The following FSD1L variants were observed in gnomAD, a reference collection of about 807,000 sequenced individuals.
FSD1L encodes the protein FSD1-like protein.
A neutral mutation model predicts 71.6 loss-of-function variants in FSD1L; 45 were observed. The observed-to-expected ratio is 0.63, with a 90% CI of 0.49 to 0.81. FSD1L has a LOEUF of 0.81. Ranked by LOEUF, FSD1L falls within the 30% of genes least tolerant of loss-of-function variation. The pLI, the probability that FSD1L is intolerant of heterozygous loss-of-function variation, is 0.00. For missense variants in FSD1L, 561 were observed against 618.1 expected, an observed-to-expected ratio of 0.91 and a Z score of 0.98; for synonymous variants, 197 against 207.2, an observed-to-expected ratio of 0.95 and a Z score of 0.42.
intron 10 of FSD1L, chr9:105,526,461 C>T (rs1835518194): frequency 1.2e-6 from 2 of 1,612,700 alleles, no homozygotes; most frequent in Non-Finnish European, 1.7e-6. Context: ...TCTCCAATGT[C>T]TCCTCGAACT....
chr9:105,510,566 CT>C (rs1834334961), intron 9 of FSD1L, among the ~76,000 whole-genome samples: 2 of 152,074 alleles, frequency 1.3e-5, no homozygotes, highest in Admixed American at 1.3e-4. Context: ...GTAGTTGAGC[CT>C]ACCAAAATTT....
intron 6 of FSD1L, 118 bp from the exon 7 acceptor site, chr9:105,484,262 CT>C: frequency 2.9e-6 from 2 of 678,822 alleles, no homozygotes; most frequent in Non-Finnish European, 4.3e-6. Context: ...TCACTTTTAA[CT>C]TTTATTATAG....
chr9:105,524,480 A>G (rs1272971529), intron 10 of FSD1L: 95 of 1,613,478 alleles, frequency 5.9e-5, no homozygotes, highest in Middle Eastern at 1.6e-4. Flanking sequence ...CACTGCTCCA[A>G]CCATTTCATG....
intron 1 of FSD1L, among the ~76,000 whole-genome samples, chr9:105,453,879 C>T (rs1324742951): frequency 6.6e-6 from 1 of 152,112 alleles, no homozygotes; most frequent in African/African-American, 2.4e-5. Flanking sequence ...GATTTTATCT[C>T]CAGACTTTTA....
At chr9:105,522,574 A>G in intron 10 of FSD1L, 1 of 1,613,362 alleles carries the variant, frequency 6.2e-7, no homozygotes. Flanking sequence ...CATTTTTCAC[A>G]AAGTGAAGAA....
chr9:105,530,445 G>T, intron 10 of FSD1L: 1 of 531,424 alleles, frequency 1.9e-6, no homozygotes, highest in Non-Finnish European at 3.3e-6. Flanking sequence ...AACTGCCAAT[G>T]TCAATAGTTA....
At chr9:105,476,090 C>T (rs1031172302) in intron 5 of FSD1L, among the ~76,000 whole-genome samples, 4 of 152,032 alleles carry the variant, frequency 2.6e-5, no homozygotes, top group South Asian at 4.2e-4. Context: ...CTATATTCAC[C>T]CATTACAGAT....
intron 10 of FSD1L, chr9:105,521,308 A>T: frequency 1.9e-6 from 3 of 1,614,214 alleles, no homozygotes; most frequent in Non-Finnish European, 2.5e-6. Flanking sequence ...AGCAAAAATG[A>T]TAATGCTGAT....
chr9:105,477,464 G>T (rs1831879806), intron 5 of FSD1L, among the ~76,000 whole-genome samples: 1 of 152,110 alleles, frequency 6.6e-6, no homozygotes, highest in African/African-American at 2.4e-5. Context: ...TGGTACAGAG[G>T]GAAAGAACAG....
chr9:105,509,182 A>G (rs1270669047), intron 9 of FSD1L, among the ~76,000 whole-genome samples: 1 of 152,250 alleles, frequency 6.6e-6, no homozygotes. Flanking sequence ...AATTAAAGTC[A>G]TCTTGAGAGA....
intron 7 of FSD1L, among the ~76,000 whole-genome samples, chr9:105,485,215 G>A (rs1832455586): frequency 6.6e-6 from 1 of 152,290 alleles, no homozygotes; most frequent in African/African-American, 2.4e-5. Flanking sequence ...AGGTTCTCTA[G>A]GCTGAGAAGT....
At chr9:105,515,624 G>C (rs530957795) in intron 10 of FSD1L, among the ~76,000 whole-genome samples, 10 of 152,226 alleles carry the variant, frequency 6.6e-5, no homozygotes, top group African/African-American at 2.2e-4. Context: ...ATGAGGGACA[G>C]AGCCTGAGGA....
intron 7 of FSD1L, among the ~76,000 whole-genome samples, chr9:105,497,979 G>A (rs2131323868): frequency 6.6e-6 from 1 of 152,068 alleles, no homozygotes; most frequent in Non-Finnish European, 1.5e-5. Context: ...CAGTAGTTAG[G>A]ACTACAGGCA....
chr9:105,519,595 C>T (rs1287122026), intron 10 of FSD1L, among the ~76,000 whole-genome samples: 1 of 152,228 alleles, frequency 6.6e-6, no homozygotes. Flanking sequence ...TGACAAAATT[C>T]AACTCCCCTT....
At chr9:105,471,518 T>A (rs755165679) in intron 4 of FSD1L, among the ~76,000 whole-genome samples, 5 of 152,114 alleles carry the variant, frequency 3.3e-5, no homozygotes, top group Non-Finnish European at 7.4e-5. Context: ...TACTTCCTAC[T>A]TGTCCCATAT....
At chr9:105,454,809 C>CT (rs1384381827) in intron 1 of FSD1L, among the ~76,000 whole-genome samples, 1 of 152,182 alleles carries the variant, frequency 6.6e-6, no homozygotes, top group African/African-American at 2.4e-5. Flanking sequence ...CCAGCCAGTT[C>CT]TTTTACTAGC....
intron 3 of FSD1L, among the ~76,000 whole-genome samples, chr9:105,466,832 A>G (rs545298460): frequency 2.6e-5 from 4 of 152,300 alleles, no homozygotes; most frequent in Non-Finnish European, 5.9e-5. Flanking sequence ...CACATTTGGT[A>G]TCTGGAAAGA....
intron 1 of FSD1L, among the ~76,000 whole-genome samples, chr9:105,449,068 G>A (rs959903873): frequency 2.0e-5 from 3 of 152,176 alleles, no homozygotes; most frequent in Non-Finnish European, 4.4e-5. Flanking sequence ...ATATAGTACA[G>A]GGTAGGAAAG....
intron 13 of FSD1L, among the ~76,000 whole-genome samples, chr9:105,540,157 T>A (rs1306447611): frequency 6.6e-6 from 1 of 152,166 alleles, no homozygotes; most frequent in Non-Finnish European, 1.5e-5. Flanking sequence ...TATTATCTTT[T>A]AAAAAATTTT....
Sources: gnomAD v4.1 joint callset for allele counts (sites outside exome capture counted in the v4.1 genomes callset) on GRCh38, gnomAD v4.1.1 for gene constraint, MANE v1.5 for transcripts, NCBI Gene and HGNC (gene_info 2026-07-23, HGNC 2026-07-21) for gene names.